SLC39A7: variants seen among roughly 807,000 people sequenced by gnomAD.
SLC39A7 encodes the protein zinc transporter SLC39A7.
Under a neutral mutation model 39.7 loss-of-function variants are expected in SLC39A7, and 25 were observed. That is an observed-to-expected ratio of 0.63 (90% CI 0.46 to 0.88). SLC39A7 has a LOEUF of 0.88. Among genes scored for constraint, SLC39A7 ranks in the 40% least tolerant of loss-of-function variants. SLC39A7 has a pLI of 0.00. For synonymous variants in SLC39A7, 181 were observed against 234.1 expected (o/e 0.77, Z 2.07); for missense variants, 501 against 592.1 (o/e 0.85, Z 1.60).
In SLC39A7 at chr6:33,201,905, A is replaced by G; in HGVS notation, c.572A>G (p.His191Arg). ...LGDAFLHLIP[H>R]ALEPHSHHTL... ...GATGCTTTCCTGCACCTCATTCCTC[A>G]TGCTCTTGGTAAGTAACCTCTGACT... The change falls in exon 2 of 7, where the codon CAT (histidine) becomes CGT (arginine). Residue 191 changes from histidine to arginine, a missense_variant. Transcript: ENST00000374677. This position sits in a 1 kb window ranked among gnomAD's most constrained non-coding sequence, Gnocchi z 5.9. The G allele has an allele frequency of 6.2e-7, 1 of 1,612,662 alleles. No homozygotes were observed. The highest frequency in any genetic ancestry group is 8.5e-7 in the Non-Finnish European group (1 of 1,179,930).
rs1774511978 is a variant in SLC39A7 at position 33,201,190 on chromosome 6, G to A, written c.-56G>A. The stretch of plus-strand genomic sequence containing the variant: ...GCGATTGGAGTAAAGCGGACCCTGT[G>A]TAGGTATAGAGTTGAGTCAAGTGGA... On this transcript the variant is annotated 5_prime_UTR_variant, in exon 1 of 7. Transcript: ENST00000374677. This position sits in a 1 kb window ranked among gnomAD's most constrained non-coding sequence, Gnocchi z 5.9. 2.6e-6 allele frequency: 4 copies of A among 1,519,180 alleles called. No homozygotes were observed. The highest frequency in any genetic ancestry group is 3.6e-6 in the Non-Finnish European group (4 of 1,124,200). 94.1% of individuals were successfully genotyped at this position (1,519,180 alleles called of 1,614,324 possible). A position where few individuals can be genotyped will look rare whatever the true frequency, so the allele number is the denominator to read the frequency against.
In SLC39A7 at chr6:33,201,700, T is replaced by G. The variant is rs776069036; in HGVS notation, c.411+44T>G. The G allele has an allele frequency of 3.7e-6, 6 of 1,612,296 alleles. No individual in the cohort carries two copies. The Admixed American group carries it at 1.0e-4, about 27-fold the overall frequency. On this transcript the variant is annotated intron_variant, in intron 1 of 6. Transcript: ENST00000374677. The surrounding 1 kb of genome is among the most constrained non-coding windows in gnomAD (Gnocchi z 5.9). ...GGAGAGAGAAGGGCTGGTTCTGGAT[T>G]GTTGGGAAACTCCACAGTACTTGAC... is the stretch of plus-strand genomic sequence containing the variant.
rs772802226 is a variant in SLC39A7 at position 33,201,952 on chromosome 6, T to A, written c.580+39T>A. 4.4e-6 allele frequency: 7 copies of A among 1,608,876 alleles called. No homozygotes were observed. The highest frequency in any genetic ancestry group is 6.0e-6 in the Non-Finnish European group (7 of 1,176,424). On this transcript the variant is annotated intron_variant, in intron 2 of 6. Coordinates refer to ENST00000374677, the MANE Select transcript of SLC39A7 (RefSeq NM_006979.3). This position sits in a 1 kb window ranked among gnomAD's most constrained non-coding sequence, Gnocchi z 5.9. ...GACTTCTACCTCAAATCTAACCTATTTCGTTCTTTGGAGGAAAAGGGTTCT... is the reference window on the plus strand; with the variant it reads ...GACTTCTACCTCAAATCTAACCTATATCGTTCTTTGGAGGAAAAGGGTTCT...
In SLC39A7 at chr6:33,201,890, T is replaced by G; in HGVS notation, c.557T>G (p.Leu186Arg). ...ASGGLLGDAFLHLIPHALEPH... is the reference protein window; with the variant it reads ...ASGGLLGDAFRHLIPHALEPH... The stretch of plus-strand genomic sequence containing the variant: ...GGTGGGCTCCTGGGAGATGCTTTCC[T>G]GCACCTCATTCCTCATGCTCTTGGT... The change falls in exon 2 of 7, where the codon CTG becomes CGG. Residue 186 changes from leucine (L) to arginine (R), a missense_variant. Transcript: ENST00000374677. This position sits in a 1 kb window ranked among gnomAD's most constrained non-coding sequence, Gnocchi z 5.9. The G allele has an allele frequency of 6.2e-7, 1 of 1,612,922 alleles. No homozygotes were observed. The highest frequency in any genetic ancestry group is 8.5e-7 in the Non-Finnish European group (1 of 1,179,986).
At chr6:33,202,802 G>T in intron 5 of SLC39A7, 102 bp downstream of exon 5, 1 of 1,553,378 alleles carries the variant, frequency 6.4e-7, no homozygotes. Context: ...AACACTAAAG[G>T]ACTGGGTGTA....
rs755259564 is a variant in SLC39A7 at position 33,202,687 on chromosome 6, A to T, written c.927A>T (p.Glu309Asp). The T allele has an allele frequency of 1.9e-6, 3 of 1,593,880 alleles. No homozygotes were observed. Among genetic ancestry groups the T allele is most frequent in the South Asian group, 1.1e-5 (1 of 87,666 alleles). ...GPVRPQNAEE[E>D]KRGLDLRVSG... Reference sequence around the variant, plus strand: ...TGAGACCTCAGAACGCTGAAGAAGAAAAAAGAGGCTTAGGTAAGGGCCAGA... The same window carrying T: ...TGAGACCTCAGAACGCTGAAGAAGATAAAAGAGGCTTAGGTAAGGGCCAGA... The change falls in exon 5 of 7, where the codon GAA becomes GAT. Residue 309 changes from glutamate to aspartate, a missense_variant. Glu to Asp is a conservative substitution (Grantham distance 45). Coordinates refer to ENST00000374677, the MANE Select transcript of SLC39A7 (RefSeq NM_006979.3).
chr6:33,201,091 G>A lies in SLC39A7; in HGVS notation c.-155G>A. ...TCCGGGAGGTGGTTCGGGATAAAGA[G>A]AACTAGTCTTGGGAACAATGTAGGT... On this transcript the variant is annotated 5_prime_UTR_variant, in exon 1 of 7. Transcript: ENST00000374677. This position sits in a 1 kb window ranked among gnomAD's most constrained non-coding sequence, Gnocchi z 5.9. 1.2e-6 allele frequency: 1 copy of A among 845,006 alleles called. No homozygotes were observed. The highest frequency in any genetic ancestry group is 1.9e-6 in the Non-Finnish European group (1 of 513,704). The allele number at this position is 845,006 out of a possible 1,614,324, so 52.3% of individuals were successfully genotyped here. A position where few individuals can be genotyped will look rare whatever the true frequency, so the allele number is the denominator to read the frequency against.
rs907750113 is a variant in SLC39A7 at position 33,203,830 on chromosome 6, C to T, written c.*17C>T. ...CTTGAGTGAGGGGTGGATAAACTACCCCTGCCCCAAACCTCTACCCCTAAC... is the reference window on the plus strand; with the variant it reads ...CTTGAGTGAGGGGTGGATAAACTACTCCTGCCCCAAACCTCTACCCCTAAC... On this transcript the variant is annotated 3_prime_UTR_variant, in exon 7 of 7. Coordinates refer to ENST00000374677, the MANE Select transcript of SLC39A7 (RefSeq NM_006979.3). 9.9e-6 allele frequency: 16 copies of T among 1,612,612 alleles called. No individual in the cohort carries two copies. The highest frequency in any genetic ancestry group is 1.2e-5 in the Non-Finnish European group (14 of 1,179,262).
chr6:33,201,714 A>G lies in SLC39A7; in HGVS notation c.412-31A>G, dbSNP rs773956022. On this transcript the variant is annotated intron_variant, in intron 1 of 6. Transcript: ENST00000374677. This position sits in a 1 kb window ranked among gnomAD's most constrained non-coding sequence, Gnocchi z 5.9. ...TGGTTCTGGATTGTTGGGAAACTCCACAGTACTTGACCTTGACTCTCCCTC... is the reference window on the plus strand; with the variant it reads ...TGGTTCTGGATTGTTGGGAAACTCCGCAGTACTTGACCTTGACTCTCCCTC... 17 of 1,613,472 alleles carry G rather than the reference A, an allele frequency of 1.1e-5. No individual in the cohort carries two copies. The highest frequency in any genetic ancestry group is 1.4e-5 in the Non-Finnish European group (17 of 1,179,580).
chr6:33,202,529 T>A (rs755621854), intron 4 of SLC39A7, 31 bp from the exon 5 acceptor site: 8 of 1,594,202 alleles, frequency 5.0e-6, no homozygotes, highest in Admixed American at 1.8e-5. Context: ...AGATCTGTTC[T>A]CCACTCTGAC....
intron 6 of SLC39A7, 58 bp downstream of exon 6, chr6:33,203,164 C>A: frequency 7.0e-7 from 1 of 1,418,656 alleles, no homozygotes; most frequent in Non-Finnish European, 9.6e-7. Context: ...CTCACTCACC[C>A]TAAACCCAAA....
rs1222378211 is a variant in SLC39A7, at chr6:33,204,377, G to A, written c.*564G>A. The A allele has an allele frequency of 1.2e-5, 7 of 590,412 alleles. No homozygotes were observed. The highest frequency in any genetic ancestry group is 2.8e-5 in the East Asian group (1 of 35,496). The allele number at this position is 590,412 out of a possible 1,614,324, so 36.6% of individuals were successfully genotyped here. A position where few individuals can be genotyped will look rare whatever the true frequency, so the allele number is the denominator to read the frequency against. ...TTGTTTCTATTCCTTTTATATCACT[G>A]TGTTTGAATCGAGGGGGAGGGGTGG... is the stretch of plus-strand genomic sequence containing the variant. On this transcript the variant is annotated 3_prime_UTR_variant, in exon 7 of 7. Transcript: ENST00000374677.
chr6:33,203,368 T>C (rs1774768466), intron 6 of SLC39A7, among the ~76,000 whole-genome samples, 173 bp from the exon 7 acceptor site: 1 of 152,226 alleles, frequency 6.6e-6, no homozygotes, highest in African/African-American at 2.4e-5. Context: ...GGACCTCTGA[T>C]CTCTTAAGAT....
intron 3 of SLC39A7, 53 bp downstream of exon 3, chr6:33,202,178 T>C: frequency 6.2e-7 from 1 of 1,602,836 alleles, no homozygotes; most frequent in African/African-American, 1.3e-5. Context: ...AAGGTCCGTC[T>C]CTCCCTATTC....
rs1285823849 is a variant in SLC39A7, at chr6:33,201,955, G to A, written c.580+42G>A. 4.4e-6 allele frequency: 7 copies of A among 1,606,150 alleles called. No homozygotes were observed. In the East Asian group the frequency reaches 1.1e-4, roughly 26 times the overall value. Reference sequence around the variant, plus strand: ...TTCTACCTCAAATCTAACCTATTTCGTTCTTTGGAGGAAAAGGGTTCTTTC... The same window carrying A: ...TTCTACCTCAAATCTAACCTATTTCATTCTTTGGAGGAAAAGGGTTCTTTC... On this transcript the variant is annotated intron_variant, in intron 2 of 6. Coordinates refer to ENST00000374677, the MANE Select transcript of SLC39A7 (RefSeq NM_006979.3). The surrounding 1 kb of genome is among the most constrained non-coding windows in gnomAD (Gnocchi z 5.9).
chr6:33,202,709 C>T lies in SLC39A7; in HGVS notation c.940+9C>T. 6.3e-7 allele frequency: 1 copy of T among 1,582,286 alleles called. No homozygotes were observed. The highest frequency in any genetic ancestry group is 8.5e-7 in the Non-Finnish European group (1 of 1,170,488). ...AGAAAAAAGAGGCTTAGGTAAGGGC[C>T]AGAGTTGGTGATAAATTTGGGCAAG... On this transcript the variant is annotated intron_variant, in intron 5 of 6. Coordinates refer to ENST00000374677, the MANE Select transcript of SLC39A7 (RefSeq NM_006979.3).
At position 33,203,120 on chromosome 6, in the gene SLC39A7, G is replaced by A; in HGVS notation, c.1137+14G>A. ...AGCAAAAAGCAGGTTGGTGATGTCT[G>A]CCAAACACAGCTGCCTCAAACCCTT... On this transcript the variant is annotated intron_variant, in intron 6 of 6. Coordinates refer to ENST00000374677, the MANE Select transcript of SLC39A7 (RefSeq NM_006979.3). The A allele has an allele frequency of 6.4e-7, 1 of 1,566,990 alleles. No homozygotes were observed. The highest frequency in any genetic ancestry group is 8.6e-7 in the Non-Finnish European group (1 of 1,156,966).
In SLC39A7 at chr6:33,203,574, G is replaced by A. The variant is rs770245709; in HGVS notation, c.1171G>A (p.Ala391Thr). 18 of 1,614,108 alleles carry A rather than the reference G, an allele frequency of 1.1e-5. No individual in the cohort carries two copies. Among genetic ancestry groups the A allele is most frequent in the Non-Finnish European group, 1.4e-5 (17 of 1,180,032 alleles). The stretch of plus-strand genomic sequence containing the variant: ...TCTGCAACTACTGACAGCAGTAGGG[G>A]CACTGGCAGGCACAGCCTGTGCCCT... Reference protein sequence around the residue: ...MRLQLLTAVGALAGTACALLT... With the variant: ...MRLQLLTAVGTLAGTACALLT... Residue 391 changes from alanine (A) to threonine (T), a missense_variant, in exon 7 of 7, where the codon GCA (alanine) becomes ACA (threonine). Transcript: ENST00000374677.
At position 33,202,071 on chromosome 6, in the gene SLC39A7, G is replaced by T; in HGVS notation, c.581-1G>T. 3 of 1,612,774 alleles carry T rather than the reference G, an allele frequency of 1.9e-6. No individual in the cohort carries two copies. In the South Asian group the frequency reaches 3.3e-5, roughly 18 times the overall value. ...CATCTGGTTTTCCCCCCTTCTTCCA[G>T]AACCTCATTCTCACCACACTCTGGA... On this transcript the variant is annotated splice_acceptor_variant, in intron 2 of 6. Coordinates refer to ENST00000374677, the MANE Select transcript of SLC39A7 (RefSeq NM_006979.3). LOFTEE classifies it high-confidence loss of function.
Sources: allele counts gnomAD v4.1 joint callset (sites outside exome capture counted in the v4.1 genomes callset), GRCh38; gene constraint gnomAD v4.1.1; non-coding constraint Gnocchi (gnomAD v3.1); transcripts MANE v1.5; gene names NCBI Gene and HGNC (gene_info 2026-07-23, HGNC 2026-07-21).